The following CRNKL1 variants were observed in gnomAD, a reference collection of about 807,000 sequenced individuals.
CRNKL1 encodes crooked neck-like protein 1.
In CRNKL1, 35 loss-of-function variants were observed where a neutral mutation model predicts 103.7. That is an observed-to-expected ratio of 0.34 (90% CI 0.26 to 0.45). The LOEUF (loss-of-function observed/expected upper bound fraction) is 0.45, where lower values mean the gene tolerates loss of function less well. CRNKL1 is among the 20% of genes least tolerant of loss of function. The pLI is 1.00. For missense variants in CRNKL1, 645 were observed against 836.0 expected, an observed-to-expected ratio of 0.77 and a Z score of 2.82; for synonymous variants, 267 against 282.6, an observed-to-expected ratio of 0.94 and a Z score of 0.55.
Position 20,045,478 on chromosome 20 carries a change from C to G in CRNKL1, c.631G>C (p.Val211Leu), listed in dbSNP as rs780216616. 1 of 1,603,280 alleles carries G rather than the reference C, an allele frequency of 6.2e-7. No individual in the cohort carries two copies. The highest frequency in any genetic ancestry group is 1.4e-5 in the African/African-American group (1 of 73,886). The change falls in exon 6 of 14, where the codon GTG becomes CTG. Residue 211 changes from valine to leucine, a missense_variant. Coordinates refer to ENST00000536226, the MANE Select transcript of CRNKL1 (RefSeq NM_001278628.2). ...ATCCAGTTCTTAACATCAGGGTGCA[C>G]GAGGACAAGTGCAAGGGAATTAAGG... ...ARTIYERFVL[V>L]HPDVKNWIKY...
chr20:20,038,392 C>T lies in CRNKL1; in HGVS notation c.1604G>A (p.Arg535Gln), dbSNP rs200745538. The T allele has an allele frequency of 6.7e-5, 104 of 1,552,646 alleles. No individual in the cohort carries two copies. The East Asian group carries it at 2.0e-3, about 30-fold the overall frequency. Residue 535 changes from arginine (R) to glutamine (Q), a missense_variant, in exon 12 of 14, where the codon CGA becomes CAA. Around this residue, in one of 2 missense-constraint regions of CRNKL1, gnomAD observed 582 missense variants for 707.7 expected, o/e 0.82. Transcript: ENST00000536226. ...TTGAAGCAACCGCCGGTAAAGGTTT[C>T]GTGTTCTTTCTGTTTCTTCCTGCTC... ...EIEQEETERTRNLYRRLLQRT... is the reference protein window; with the variant it reads ...EIEQEETERTQNLYRRLLQRT...
At chr20:20,055,272 C>T (rs544632443), upstream of CRNKL1, among the ~76,000 whole-genome samples, 6 of 151,984 alleles carry the variant, frequency 3.9e-5, no homozygotes, top group Non-Finnish European at 8.8e-5. Context: ...TTGGTGACTC[C>T]CATAATACAC....
At chr20:20,054,102 C>T (rs2044069004), upstream of CRNKL1, among the ~76,000 whole-genome samples, 1 of 145,572 alleles carries the variant, frequency 6.9e-6, no homozygotes, top group Non-Finnish European at 1.5e-5. Flanking sequence ...TCATGTTTAC[C>T]TTCTTATTTC....
At chr20:20,054,564 A>G (rs545812762), upstream of CRNKL1, among the ~76,000 whole-genome samples, 4 of 152,326 alleles carry the variant, frequency 2.6e-5, no homozygotes, top group Non-Finnish European at 5.9e-5. Context: ...ATTTTGTGGG[A>G]ATACATTCAT....
At chr20:20,036,736 C>A (rs1369877367) in intron 13 of CRNKL1, among the ~76,000 whole-genome samples, 1 of 152,234 alleles carries the variant, frequency 6.6e-6, no homozygotes, top group South Asian at 2.1e-4. Context: ...CAACTCCCTA[C>A]CTTCCCATCC....
rs1372773438 is a variant in CRNKL1, at chr20:20,037,400, C to T, written c.1819G>A (p.Ala607Thr). Residue 607 changes from alanine (A) to threonine (T), a missense_variant, in exon 13 of 14, where the codon GCT (alanine) becomes ACT (threonine). This residue lies in a region of CRNKL1 where 582 missense variants were observed against 707.7 expected (regional missense o/e 0.82). Transcript: ENST00000536226. ...WRSFEEEFGTASDKERVDKLM... is the reference protein window; with the variant it reads ...WRSFEEEFGTTSDKERVDKLM... The stretch of plus-strand genomic sequence containing the variant: ...TTGTCTACTCTCTCCTTATCTGAAG[C>T]TGTTCCAAATTCTTCTTCAAAACTT... The T allele has an allele frequency of 1.9e-6, 3 of 1,614,148 alleles. No individual in the cohort carries two copies. Among genetic ancestry groups the T allele is most frequent in the Non-Finnish European group, 2.5e-6 (3 of 1,180,016 alleles).
At chr20:20,055,586 C>T (rs1467074875), upstream of CRNKL1, among the ~76,000 whole-genome samples, 1 of 152,148 alleles carries the variant, frequency 6.6e-6, no homozygotes, top group Non-Finnish European at 1.5e-5. Context: ...CGCTTTCTTT[C>T]TTCTTTTCTT....
rs2043441453 is a variant in CRNKL1, at chr20:20,037,583, GTTA to G, written c.1648-15_1648-13del. On this transcript the variant is annotated splice_polypyrimidine_tract_variant and intron_variant, in intron 12 of 13. Coordinates refer to ENST00000536226, the MANE Select transcript of CRNKL1 (RefSeq NM_001278628.2). ...AAGCTGATCCATACCTTTAAAAAAAGTTATTATTGAACCAAATTAACCATATCA... is the reference window on the plus strand; with the variant it reads ...AAGCTGATCCATACCTTTAAAAAAAGTTATTGAACCAAATTAACCATATCA... 2.5e-6 allele frequency: 4 copies of G among 1,607,864 alleles called. No individual in the cohort carries two copies. The highest frequency in any genetic ancestry group is 2.5e-6 in the Non-Finnish European group (3 of 1,178,132).
At chr20:20,037,255 C>T (rs1421391254) in intron 13 of CRNKL1, 68 bp downstream of exon 13, 5 of 1,547,170 alleles carry the variant, frequency 3.2e-6, no homozygotes, top group South Asian at 2.5e-5. Context: ...TAAAAGTCCA[C>T]ATTTCGACGT....
intron 1 of CRNKL1, among the ~76,000 whole-genome samples, chr20:20,051,453 TA>T (rs915619206): frequency 1.3e-5 from 2 of 152,218 alleles, no homozygotes; most frequent in Non-Finnish European, 2.9e-5. Flanking sequence ...TGATGCCCAA[TA>T]AAAGTTTATG....
intron 6 of CRNKL1, 87 bp from the exon 7 acceptor site, chr20:20,043,749 T>A: frequency 7.7e-7 from 1 of 1,302,512 alleles, no homozygotes; most frequent in Non-Finnish European, 1.1e-6. Flanking sequence ...AAAATATTAC[T>A]TATAAGTTAG....
intron 5 of CRNKL1, among the ~76,000 whole-genome samples, chr20:20,047,394 G>A (rs566429049): frequency 6.6e-6 from 1 of 152,172 alleles, no homozygotes; most frequent in African/African-American, 2.4e-5. Flanking sequence ...TATATGGGAG[G>A]CTATGCATAG....
upstream of CRNKL1, chr20:20,052,585 G>T (rs752125657): frequency 1.9e-6 from 3 of 1,613,842 alleles, no homozygotes; most frequent in Non-Finnish European, 8.5e-7. Context: ...CTGGAGCTGC[G>T]GATGAGGTGG....
At chr20:20,043,917 C>G (rs1260659814) in intron 6 of CRNKL1, among the ~76,000 whole-genome samples, 1 of 152,124 alleles carries the variant, frequency 6.6e-6, no homozygotes, top group East Asian at 1.9e-4. Context: ...TCAAACAGGT[C>G]CAAAACTGAG....
rs1363127920 is a variant in CRNKL1 at position 20,043,538 on chromosome 20, T to C, written c.926A>G (p.Asp309Gly). The C allele has an allele frequency of 2.5e-6, 4 of 1,614,096 alleles. No individual in the cohort carries two copies. Among genetic ancestry groups the C allele is most frequent in the Non-Finnish European group, 3.4e-6 (4 of 1,179,982 alleles). The change falls in exon 7 of 14, where the codon GAT (aspartate) becomes GGT (glycine). Residue 309 changes from aspartate (D) to glycine (G), a missense_variant. Physicochemically the swap from Asp to Gly is moderately conservative, Grantham distance 94. Coordinates refer to ENST00000536226, the MANE Select transcript of CRNKL1 (RefSeq NM_001278628.2). ...GAATCTCCGTTTGCTCACAATGATA[T>C]CTTCAATACCCCGCCTATCACCAAA... ...KKFGDRRGIE[D>G]IIVSKRRFQY...
At chr20:20,052,485 C>G (rs1397362115), upstream of CRNKL1, 2 of 1,614,140 alleles carry the variant, frequency 1.2e-6, no homozygotes, top group African/African-American at 2.7e-5. Context: ...TGACCTTTGA[C>G]CTCTCGCTTG....
chr20:20,036,195 T>A lies in CRNKL1; in HGVS notation c.2064A>T (p.Ter688CysextTer34). Reference protein sequence around the residue: ...PDEDVDESES* With the variant: ...PDEDVDESESC ...AAAACATTTGTCTATGAAAAAAAGA[T>A]CAGGATTCACTCTCATCGACGTCCT... The change falls in exon 14 of 14, where the codon TGA (stop) becomes TGT (cysteine). Residue 688 changes from the stop codon to cysteine, a stop_lost. Coordinates refer to ENST00000536226, the MANE Select transcript of CRNKL1 (RefSeq NM_001278628.2). 6.2e-7 allele frequency: 1 copy of A among 1,610,246 alleles called. No homozygotes were observed. Among genetic ancestry groups the A allele is most frequent in the Non-Finnish European group, 8.5e-7 (1 of 1,178,480 alleles).
intron 6 of CRNKL1, among the ~76,000 whole-genome samples, chr20:20,044,826 G>C (rs1470361418): frequency 6.6e-6 from 1 of 151,960 alleles, no homozygotes; most frequent in Admixed American, 6.6e-5. Flanking sequence ...TGTTGCCCAG[G>C]CTGGTCTCAA....
chr20:20,039,277 C>T (rs186941301), intron 11 of CRNKL1, among the ~76,000 whole-genome samples: 8 of 152,310 alleles, frequency 5.3e-5, no homozygotes, highest in Admixed American at 2.0e-4. Flanking sequence ...CCTCGTTCTC[C>T]GGGTGGGCCA....
Sources: allele counts gnomAD v4.1 joint callset (sites outside exome capture counted in the v4.1 genomes callset), GRCh38; gene constraint gnomAD v4.1.1; regional missense constraint gnomAD v4.1.1; transcripts MANE v1.5; gene names NCBI Gene and HGNC (gene_info 2026-07-23, HGNC 2026-07-21).